LRFN5: variants seen among roughly 807,000 people sequenced by gnomAD.
LRFN5 encodes the protein leucine-rich repeat and fibronectin type-III domain-containing protein 5.
A neutral mutation model predicts 45.6 loss-of-function variants in LRFN5; 24 were observed. The ratio of observed to expected loss-of-function variants is 0.53; its 90% CI spans 0.38 to 0.74. LRFN5 has a LOEUF of 0.74. LRFN5 is among the 30% of genes least tolerant of loss of function. The probability of loss-of-function intolerance (pLI) is 0.00; values close to 1 mark genes in which losing one functional copy is unlikely to be tolerated. For missense variants in LRFN5, 776 were observed against 861.5 expected (o/e 0.90, Z 1.24); for synonymous variants, 340 against 313.8 (o/e 1.08, Z -0.88).
chr14:41,614,472 A>T (rs1887866603), intron 1 of LRFN5, among the ~76,000 whole-genome samples: 2 of 152,262 alleles, frequency 1.3e-5, no homozygotes, highest in African/African-American at 4.8e-5. Context: ...TGACCTCAAT[A>T]ACTTATTTTC....
At chr14:41,833,841 A>C (rs1888568904) in intron 2 of LRFN5, among the ~76,000 whole-genome samples, 1 of 152,164 alleles carries the variant, frequency 6.6e-6, no homozygotes, top group South Asian at 2.1e-4. Context: ...TCTCCAAATT[A>C]GTCTCTTTCT....
chr14:41,719,307 A>G (rs1355891909), intron 1 of LRFN5, among the ~76,000 whole-genome samples: 1 of 152,102 alleles, frequency 6.6e-6, no homozygotes, highest in African/African-American at 2.4e-5. Context: ...AGTAGATTTT[A>G]AGTAAGTGGT....
intron 2 of LRFN5, among the ~76,000 whole-genome samples, chr14:41,873,641 C>T (rs1358044290): frequency 6.6e-6 from 1 of 152,084 alleles, no homozygotes; most frequent in African/African-American, 2.4e-5. Flanking sequence ...TTCACAGAGA[C>T]TCAGCTATTC....
At chr14:41,834,739 G>T (rs1347163118) in intron 2 of LRFN5, among the ~76,000 whole-genome samples, 5 of 151,902 alleles carry the variant, frequency 3.3e-5, no homozygotes, top group African/African-American at 1.2e-4. Flanking sequence ...AAGGCTTACT[G>T]CAGCCTTAAC....
chr14:41,849,056 C>A (rs1459307688), intron 2 of LRFN5, among the ~76,000 whole-genome samples: 1 of 151,996 alleles, frequency 6.6e-6, no homozygotes, highest in Non-Finnish European at 1.5e-5. Context: ...ACATGAGAAT[C>A]AACTTGCGCT....
intron 1 of LRFN5, among the ~76,000 whole-genome samples, chr14:41,693,319 T>G (rs557868500): frequency 6.6e-6 from 1 of 152,226 alleles, no homozygotes; most frequent in East Asian, 1.9e-4. Flanking sequence ...AAGTTATAAA[T>G]TGTTGTTGGC....
At chr14:41,835,879 C>A (rs1472000236) in intron 2 of LRFN5, among the ~76,000 whole-genome samples, 1 of 150,332 alleles carries the variant, frequency 6.7e-6, no homozygotes, top group South Asian at 2.1e-4. Context: ...AGCATGCAAA[C>A]CAAAAATGAT....
At chr14:41,900,709 A>C (rs918746521) in intron 5 of LRFN5, among the ~76,000 whole-genome samples, 2 of 152,086 alleles carry the variant, frequency 1.3e-5, no homozygotes, top group Non-Finnish European at 2.9e-5. Context: ...ATCAGATTTA[A>C]GTTACTGTAT....
Position 41,669,840 on chromosome 14 carries a change from C to T in LRFN5, c.-197+61278C>T, listed in dbSNP as rs1047218737. ...ATGGTTAAACCAATTAAAGTATGCT[C>T]ATAAAATGGAATGCTCTCTGACTCT... On this transcript the variant is annotated intron_variant, in intron 1 of 5. Coordinates refer to ENST00000298119, the MANE Select transcript of LRFN5 (RefSeq NM_152447.5). Among the ~76,000 whole-genome samples, 17 of 150,416 alleles carry T rather than the reference C, an allele frequency of 1.1e-4. No homozygotes were observed. In the South Asian group the frequency reaches 2.3e-3, roughly 20 times the overall value.
At chr14:41,814,583 T>G (rs1166001451) in intron 2 of LRFN5, among the ~76,000 whole-genome samples, 4 of 152,180 alleles carry the variant, frequency 2.6e-5, no homozygotes, top group Non-Finnish European at 4.4e-5. Flanking sequence ...TTGGCCTTAT[T>G]TCTTGAGTAT....
chr14:41,857,276 A>G (rs890701055), intron 2 of LRFN5, among the ~76,000 whole-genome samples: 18 of 152,186 alleles, frequency 1.2e-4, no homozygotes, highest in African/African-American at 4.3e-4. Flanking sequence ...TGGTAGAGCC[A>G]TGCTTTGATG....
intron 2 of LRFN5, among the ~76,000 whole-genome samples, chr14:41,781,316 G>T (rs1400740921): frequency 6.6e-6 from 1 of 151,934 alleles, no homozygotes; most frequent in Non-Finnish European, 1.5e-5. Context: ...GAGGCCAGGA[G>T]TTCAAAACCA....
At chr14:41,765,040 C>G (rs1440320883) in intron 1 of LRFN5, among the ~76,000 whole-genome samples, 1 of 151,948 alleles carries the variant, frequency 6.6e-6, no homozygotes, top group Non-Finnish European at 1.5e-5. Flanking sequence ...TTTTTCAAGA[C>G]GTTAAAGAAA....
intron 1 of LRFN5, among the ~76,000 whole-genome samples, chr14:41,610,516 C>A (rs1887703409): frequency 6.6e-6 from 1 of 151,492 alleles, no homozygotes; most frequent in South Asian, 2.1e-4. Context: ...CACCTGGTAC[C>A]CAATAAACGT....
chr14:41,791,424 C>CCA (rs1886916547), intron 2 of LRFN5, among the ~76,000 whole-genome samples: 1 of 151,852 alleles, frequency 6.6e-6, no homozygotes, highest in South Asian at 2.1e-4. Flanking sequence ...TAAGGAGTGA[C>CCA]CAATTATGTC....
intron 2 of LRFN5, among the ~76,000 whole-genome samples, chr14:41,847,761 C>G (rs1249615723): frequency 6.6e-6 from 1 of 151,806 alleles, no homozygotes; most frequent in Admixed American, 6.6e-5. Flanking sequence ...TTATTTTTAT[C>G]TTGCACAAAA....
At chr14:41,881,548 A>T (rs908709645) in intron 2 of LRFN5, among the ~76,000 whole-genome samples, 1 of 151,932 alleles carries the variant, frequency 6.6e-6, no homozygotes, top group African/African-American at 2.4e-5. Context: ...TATCAATATC[A>T]TCAACTCTGG....
intron 2 of LRFN5, among the ~76,000 whole-genome samples, chr14:41,835,136 G>T (rs1041150260): frequency 1.3e-5 from 2 of 151,972 alleles, no homozygotes; most frequent in East Asian, 1.9e-4. Flanking sequence ...ACAAAGTGAG[G>T]TGTAAATTTA....
chr14:41,623,820 G>A (rs530231170), intron 1 of LRFN5, among the ~76,000 whole-genome samples: 1 of 152,150 alleles, frequency 6.6e-6, no homozygotes, highest in African/African-American at 2.4e-5. Context: ...ATATTGTGGA[G>A]ATGGAAATCT....
Sources: allele counts gnomAD v4.1 joint callset (sites outside exome capture counted in the v4.1 genomes callset), GRCh38; gene constraint gnomAD v4.1.1; transcripts MANE v1.5; gene names NCBI Gene and HGNC (gene_info 2026-07-23, HGNC 2026-07-21).